Variants in GALNTL6 observed in about 807,000 individuals in gnomAD.
GALNTL6 encodes polypeptide N-acetylgalactosaminyltransferase-like 6.
GALNTL6 carries 46 observed loss-of-function variants against 73.7 expected under a neutral mutation model. The observed-to-expected ratio is 0.62, with a 90% confidence interval of 0.49 to 0.80. GALNTL6 has a LOEUF of 0.80. GALNTL6 is among the 30% of genes least tolerant of loss of function. GALNTL6 has a pLI of 0.00. For synonymous variants in GALNTL6, 259 were observed against 263.7 expected, an observed-to-expected ratio of 0.98 and a Z score of 0.17; for missense variants, 604 against 755.0, an observed-to-expected ratio of 0.80 and a Z score of 2.34.
chr4:171,865,422 A>G (rs1423620615), intron 2 of GALNTL6, among the ~76,000 whole-genome samples: 9 of 152,186 alleles, frequency 5.9e-5, no homozygotes, highest in Admixed American at 5.9e-4. Context: ...GAAAAACTGA[A>G]TTGATCAGGA....
chr4:172,220,208 G>A (rs1736628637), intron 2 of GALNTL6, among the ~76,000 whole-genome samples: 1 of 151,548 alleles, frequency 6.6e-6, no homozygotes, highest in South Asian at 2.1e-4. Context: ...CTCTTCAAGG[G>A]TATGACACTC....
At chr4:171,968,708 T>C (rs1739461690) in intron 2 of GALNTL6, among the ~76,000 whole-genome samples, 1 of 152,188 alleles carries the variant, frequency 6.6e-6, no homozygotes, top group African/African-American at 2.4e-5. Context: ...CCTCAGATGA[T>C]AAGAACTGCT....
intron 9 of GALNTL6, among the ~76,000 whole-genome samples, chr4:172,951,020 C>A (rs1238964902): frequency 6.6e-6 from 1 of 152,232 alleles, no homozygotes; most frequent in Non-Finnish European, 1.5e-5. Context: ...GAAGGCACAT[C>A]AGAGAGCATC....
chr4:172,129,993 TG>T (rs1318452025), intron 2 of GALNTL6, among the ~76,000 whole-genome samples: 3 of 152,004 alleles, frequency 2.0e-5, no homozygotes, highest in Admixed American at 6.6e-5. Flanking sequence ...GGCACTGCAA[TG>T]GGAATACACA....
At chr4:171,825,370 TAA>T (rs1734795452) in intron 2 of GALNTL6, among the ~76,000 whole-genome samples, 1 of 152,080 alleles carries the variant, frequency 6.6e-6, no homozygotes, top group Non-Finnish European at 1.5e-5. Context: ...TGTGTAAAAT[TAA>T]GTGATGGGGG....
At chr4:172,532,772 G>A (rs1193014107) in intron 5 of GALNTL6, among the ~76,000 whole-genome samples, 3 of 152,000 alleles carry the variant, frequency 2.0e-5, no homozygotes, top group Admixed American at 2.0e-4. Flanking sequence ...TATCTCCATG[G>A]CTTTGTTTTT....
intron 5 of GALNTL6, among the ~76,000 whole-genome samples, chr4:172,553,042 G>T (rs1179731410): frequency 6.6e-6 from 1 of 152,004 alleles, no homozygotes; most frequent in Non-Finnish European, 1.5e-5. Context: ...AGAGAAAACT[G>T]CCATCATCTG....
chr4:172,494,426 T>C (rs1413467648), intron 5 of GALNTL6, among the ~76,000 whole-genome samples: 1 of 152,208 alleles, frequency 6.6e-6, no homozygotes, highest in Non-Finnish European at 1.5e-5. Context: ...AAGTCTTTTC[T>C]CAGCATTCTC....
At chr4:172,807,223 C>T (rs548758222) in intron 5 of GALNTL6, among the ~76,000 whole-genome samples, 1 of 152,292 alleles carries the variant, frequency 6.6e-6, no homozygotes, top group East Asian at 1.9e-4. Context: ...CAAAGAGGCA[C>T]ACAGTAGAAC....
At chr4:172,906,499 C>T (rs572747190) in intron 8 of GALNTL6, among the ~76,000 whole-genome samples, 29 of 152,264 alleles carry the variant, frequency 1.9e-4, no homozygotes, top group African/African-American at 7.0e-4. Flanking sequence ...ATCTTACAGT[C>T]CTTGGGTCAG....
chr4:172,999,839 A>G (rs972598725), intron 10 of GALNTL6, among the ~76,000 whole-genome samples: 5 of 151,938 alleles, frequency 3.3e-5, no homozygotes, highest in African/African-American at 9.7e-5. Flanking sequence ...TCTCATTGCC[A>G]ATTAGAACTA....
chr4:172,594,480 A>C (rs1458503168), intron 5 of GALNTL6, among the ~76,000 whole-genome samples: 1 of 152,200 alleles, frequency 6.6e-6, no homozygotes, highest in East Asian at 1.9e-4. Context: ...ATATTTCCAT[A>C]AAGTATGGAA....
At chr4:172,382,564 C>T (rs1446859669) in intron 5 of GALNTL6, among the ~76,000 whole-genome samples, 1 of 151,966 alleles carries the variant, frequency 6.6e-6, no homozygotes, top group African/African-American at 2.4e-5. Flanking sequence ...TTCTTCATTT[C>T]TTTATGTGTC....
At chr4:171,877,903 A>C (rs1277409547) in intron 2 of GALNTL6, among the ~76,000 whole-genome samples, 1 of 152,238 alleles carries the variant, frequency 6.6e-6, no homozygotes, top group Non-Finnish European at 1.5e-5. Context: ...AAGACAAGAT[A>C]AACAAGCAAA....
rs1263380022 is a variant in GALNTL6, at chr4:172,511,857, C to T, written c.553+163168C>T. On this transcript the variant is annotated intron_variant, in intron 5 of 12. Coordinates refer to ENST00000506823, the MANE Select transcript of GALNTL6 (RefSeq NM_001034845.3). The stretch of plus-strand genomic sequence containing the variant: ...TATTGAAACTTGTGTTGTAGTCTAT[C>T]ATATAGTCTATCTTGGAGAATGTTC... Among the ~76,000 whole-genome samples, 2 of 55,018 alleles carry T rather than the reference C, an allele frequency of 3.6e-5. 1 individual carries two copies. Among genetic ancestry groups the T allele is most frequent in the Non-Finnish European group, 8.4e-5 (2 of 23,726 alleles). The allele number at this position is 55,018 out of a possible 152,430, so 36.1% of individuals were successfully genotyped here. A position where few individuals can be genotyped will look rare whatever the true frequency, so the allele number is the denominator to read the frequency against.
intron 2 of GALNTL6, among the ~76,000 whole-genome samples, chr4:172,129,360 C>T (rs1245420887): frequency 6.6e-6 from 1 of 152,090 alleles, no homozygotes; most frequent in Admixed American, 6.5e-5. Flanking sequence ...GGAGTGCAAA[C>T]GAACCCCATG....
intron 8 of GALNTL6, among the ~76,000 whole-genome samples, chr4:172,897,600 G>T (rs1013080807): frequency 6.6e-6 from 1 of 152,200 alleles, no homozygotes; most frequent in Non-Finnish European, 1.5e-5. Context: ...TGGGGGACAG[G>T]TCTGTTTCCA....
At chr4:172,401,484 C>T (rs1744035344) in intron 5 of GALNTL6, among the ~76,000 whole-genome samples, 1 of 151,962 alleles carries the variant, frequency 6.6e-6, no homozygotes, top group Non-Finnish European at 1.5e-5. Context: ...TTATTTTAAC[C>T]TTCTAAAGGA....
chr4:172,881,524 A>C (rs1250564018), intron 7 of GALNTL6, among the ~76,000 whole-genome samples: 1 of 152,210 alleles, frequency 6.6e-6, no homozygotes, highest in Admixed American at 6.5e-5. Context: ...TCTTTGAAAT[A>C]TATAATACAC....
Sources: gnomAD v4.1 joint callset for allele counts (sites outside exome capture counted in the v4.1 genomes callset) on GRCh38, gnomAD v4.1.1 for gene constraint, MANE v1.5 for transcripts, NCBI Gene and HGNC (gene_info 2026-07-23, HGNC 2026-07-21) for gene names.